ST3GAL3: variants seen among roughly 807,000 people sequenced by gnomAD.
ST3GAL3 encodes CMP-N-acetylneuraminate-beta-1,4-galactoside alpha-2,3-sialyltransferase.
Under a neutral mutation model 50.1 loss-of-function variants are expected in ST3GAL3, and 21 were observed. That is an observed-to-expected ratio of 0.42 (90% CI 0.30 to 0.60). The LOEUF (loss-of-function observed/expected upper bound fraction) is 0.60, where lower values mean the gene tolerates loss of function less well. Ranked by LOEUF, ST3GAL3 falls within the 20% of genes least tolerant of loss-of-function variation. The pLI, the probability that ST3GAL3 is intolerant of heterozygous loss-of-function variation, is 0.19. For missense variants in ST3GAL3, 353 were observed against 489.4 expected (o/e 0.72, Z 2.63); for synonymous variants, 183 against 190.0 (o/e 0.96, Z 0.30).
chr1:43,833,635 G>A (rs2063836550), intron 4 of ST3GAL3, among the ~76,000 whole-genome samples: 1 of 152,164 alleles, frequency 6.6e-6, no homozygotes, highest in Non-Finnish European at 1.5e-5. Flanking sequence ...CAGCTATTAA[G>A]AGAGCCAGGA....
At chr1:43,817,398 TTTTCTC>T (rs1174039376) in intron 4 of ST3GAL3, among the ~76,000 whole-genome samples, 831 of 33,182 alleles carry the variant, frequency 0.025, 8 homozygotes, top group African/African-American at 0.13. Flanking sequence ...TTCTCCTCCT[TTTTCTC>T]CTTCTTCTCC....
chr1:43,808,066 G>T (rs2060106981), intron 3 of ST3GAL3, among the ~76,000 whole-genome samples: 1 of 152,126 alleles, frequency 6.6e-6, no homozygotes, highest in East Asian at 1.9e-4. Context: ...CATTTTGGGA[G>T]GCCAAGGCAG....
chr1:43,769,359 C>A (rs984071376), intron 2 of ST3GAL3, among the ~76,000 whole-genome samples: 2 of 152,086 alleles, frequency 1.3e-5, no homozygotes, highest in African/African-American at 4.8e-5. Context: ...AGAACATTCC[C>A]AAACCACTTT....
At chr1:43,881,441 C>G (rs1387423034) in intron 5 of ST3GAL3, among the ~76,000 whole-genome samples, 3 of 152,250 alleles carry the variant, frequency 2.0e-5, no homozygotes, top group Non-Finnish European at 4.4e-5. Context: ...GGTTATGTGG[C>G]CTCTGCAGAC....
chr1:43,824,943 C>G (rs773462653), intron 4 of ST3GAL3: 1 of 718,004 alleles, frequency 1.4e-6, no homozygotes, highest in African/African-American at 1.7e-5. Context: ...ATAAAAGATT[C>G]TGTTTCCTGT....
chr1:43,728,929 G>T lies in ST3GAL3; in HGVS notation c.-30-7304G>T, dbSNP rs567065253. 4.0e-5 allele frequency among the ~76,000 whole-genome samples: 6 copies of T among 151,496 alleles called. No individual in the cohort carries two copies. The South Asian group carries it at 1.3e-3, about 32-fold the overall frequency. On this transcript the variant is annotated intron_variant, in intron 1 of 11. Coordinates refer to ENST00000347631, the MANE Select transcript of ST3GAL3 (RefSeq NM_006279.5). ...TTTTGAGACAGAGTCTCTCTTTGTC[G>T]CCCAGGCTGGAGTGCAGTTGCATGT...
chr1:43,796,283 C>T (rs559469077), intron 3 of ST3GAL3, among the ~76,000 whole-genome samples: 114 of 152,272 alleles, frequency 7.5e-4, no homozygotes, highest in Non-Finnish European at 1.1e-3. Context: ...TAATTAAAGC[C>T]CCAGCTTTCT....
At chr1:43,921,735 C>T (rs919158692) in intron 11 of ST3GAL3, 1 of 398,820 alleles carries the variant, frequency 2.5e-6, no homozygotes, top group Non-Finnish European at 4.4e-6. Flanking sequence ...CAGAGCCTTC[C>T]ATGCCCCAAA....
At chr1:43,917,714 G>A (rs1428586809) in intron 9 of ST3GAL3, among the ~76,000 whole-genome samples, 1 of 127,126 alleles carries the variant, frequency 7.9e-6, no homozygotes, top group African/African-American at 3.1e-5. Flanking sequence ...TGTCATTCAC[G>A]CTGGAGTACA....
At chr1:43,733,502 C>T (rs959327189) in intron 1 of ST3GAL3, among the ~76,000 whole-genome samples, 5 of 152,136 alleles carry the variant, frequency 3.3e-5, no homozygotes, top group East Asian at 3.9e-4. Context: ...CGTATGTGTG[C>T]GTATATGTAT....
At chr1:43,766,598 G>T (rs934910378) in intron 2 of ST3GAL3, among the ~76,000 whole-genome samples, 1 of 152,170 alleles carries the variant, frequency 6.6e-6, no homozygotes, top group South Asian at 2.1e-4. Context: ...GAGGAATGGT[G>T]GGGGGCGGGG....
At chr1:43,907,588 T>C (rs535159447) in intron 9 of ST3GAL3, among the ~76,000 whole-genome samples, 1 of 152,274 alleles carries the variant, frequency 6.6e-6, no homozygotes, top group East Asian at 1.9e-4. Flanking sequence ...CCAAGAACTC[T>C]CGGCTTCCTG....
At chr1:43,900,507 C>T (rs570635814) in intron 9 of ST3GAL3, among the ~76,000 whole-genome samples, 1 of 152,046 alleles carries the variant, frequency 6.6e-6, no homozygotes, top group South Asian at 2.1e-4. Context: ...CATCCGTGAA[C>T]TTGTCCAGGC....
chr1:43,721,641 G>C lies in ST3GAL3; in HGVS notation c.-31+13948G>C, dbSNP rs151088114. Among the ~76,000 whole-genome samples the C allele has an allele frequency of 5.5e-3, 829 of 151,786 alleles. 10 individuals are homozygous for C. Among genetic ancestry groups the C allele is most frequent in the African/African-American group, 0.019 (796 of 41,334 alleles). On this transcript the variant is annotated intron_variant, in intron 1 of 11. Transcript: ENST00000347631. ...TGTTTTGAGACAGAGTTTCGCTCTTGTCCAGGCTGGAGTGCGATGGTGTGA... is the reference window on the plus strand; with the variant it reads ...TGTTTTGAGACAGAGTTTCGCTCTTCTCCAGGCTGGAGTGCGATGGTGTGA...
rs147210078 is a variant in ST3GAL3 at position 43,817,052 on chromosome 1, A to G, written c.209+2119A>G. Among the ~76,000 whole-genome samples the G allele has an allele frequency of 5.6e-4, 85 of 152,298 alleles. 1 individual carries two copies. The highest frequency in any genetic ancestry group is 6.8e-3 in the Middle Eastern group (2 of 294). ...TACCAAGTCCCTCTCTAGTTGTGTT[A>G]TATTCTATTTCTGAGGTATAGGAAA... On this transcript the variant is annotated intron_variant, in intron 4 of 11. Transcript: ENST00000347631.
chr1:43,847,102 C>T (rs902977204), intron 5 of ST3GAL3, among the ~76,000 whole-genome samples: 1 of 152,188 alleles, frequency 6.6e-6, no homozygotes, highest in African/African-American at 2.4e-5. Flanking sequence ...TAAGATACCA[C>T]CTCACATCCA....
intron 1 of ST3GAL3, among the ~76,000 whole-genome samples, chr1:43,729,089 CTTT>C (rs71914132): frequency 5.1e-5 from 6 of 117,426 alleles, no homozygotes; most frequent in South Asian, 2.7e-4. Context: ...AATTATTTTT[CTTT>C]TTTTTTTTTT....
chr1:43,930,786 C>T lies in ST3GAL3; in HGVS notation c.*565C>T, dbSNP rs2084909180. On this transcript the variant is annotated 3_prime_UTR_variant, in exon 12 of 12. Transcript: ENST00000347631. Reference sequence around the variant, plus strand: ...CCTCCAGCTCATGACACTGTTTGGCCTTTCTTGGGGAGAAGGCGGGGTATT... The same window carrying T: ...CCTCCAGCTCATGACACTGTTTGGCTTTTCTTGGGGAGAAGGCGGGGTATT... 1 of 198,232 alleles carries T rather than the reference C, an allele frequency of 5.0e-6. No homozygotes were observed. Among genetic ancestry groups the T allele is most frequent in the Non-Finnish European group, 1.1e-5 (1 of 94,874 alleles). 12.3% of individuals were successfully genotyped at this position (198,232 alleles called of 1,614,324 possible).
intron 4 of ST3GAL3, among the ~76,000 whole-genome samples, chr1:43,823,478 T>C (rs749525783): frequency 2.6e-5 from 4 of 152,230 alleles, no homozygotes; most frequent in Non-Finnish European, 5.9e-5. Context: ...TTGCGCACTC[T>C]CTTGCCTTTT....
Sources: gnomAD v4.1 joint callset for allele counts (sites outside exome capture counted in the v4.1 genomes callset) on GRCh38, gnomAD v4.1.1 for gene constraint, MANE v1.5 for transcripts, NCBI Gene and HGNC (gene_info 2026-07-23, HGNC 2026-07-21) for gene names.